FRMD6: variants seen among roughly 807,000 people sequenced by gnomAD.
FRMD6 encodes FERM domain-containing protein 6.
FRMD6 carries 37 observed loss-of-function variants against 73.2 expected under a neutral mutation model. The ratio of observed to expected loss-of-function variants is 0.51; its 90% confidence interval spans 0.39 to 0.66. The LOEUF (loss-of-function observed/expected upper bound fraction) is 0.66, where lower values mean the gene tolerates loss of function less well. Among genes scored for constraint, FRMD6 ranks in the 30% least tolerant of loss-of-function variants. The pLI, the probability that FRMD6 is intolerant of heterozygous loss-of-function variation, is 0.00. For missense variants in FRMD6, 714 were observed against 780.5 expected (o/e 0.91, Z 1.02); for synonymous variants, 273 against 282.2 (o/e 0.97, Z 0.33).
chr14:51,642,502 C>G (rs978400142), intron 2 of FRMD6, among the ~76,000 whole-genome samples: 1 of 152,184 alleles, frequency 6.6e-6, no homozygotes, highest in Non-Finnish European at 1.5e-5. Flanking sequence ...CGCCATTGCC[C>G]TCCATCCTGG....
chr14:51,490,824 C>A (rs1882961418), intron 1 of FRMD6, among the ~76,000 whole-genome samples: 1 of 152,224 alleles, frequency 6.6e-6, no homozygotes, highest in Admixed American at 6.5e-5. Flanking sequence ...GGGAATGACA[C>A]CCTGTTGAAA....
chr14:51,640,583 A>C (rs1891766462), intron 2 of FRMD6, among the ~76,000 whole-genome samples: 1 of 152,188 alleles, frequency 6.6e-6, no homozygotes, highest in African/African-American at 2.4e-5. Flanking sequence ...CCCGTTTACA[A>C]CTATTCTTCT....
intron 1 of FRMD6, 58 bp downstream of exon 1, chr14:51,652,054 G>C (rs909775695): frequency 1.3e-5 from 2 of 152,226 alleles, no homozygotes; most frequent in Admixed American, 6.5e-5. Flanking sequence ...CTCAGCCGCC[G>C]CGCCCCGGAC....
At chr14:51,628,690 G>A (rs1891208364) in intron 2 of FRMD6, among the ~76,000 whole-genome samples, 1 of 149,810 alleles carries the variant, frequency 6.7e-6, no homozygotes, top group Non-Finnish European at 1.5e-5. Flanking sequence ...GCATGCCCAT[G>A]CTCGGGTGGC....
intron 1 of FRMD6, among the ~76,000 whole-genome samples, chr14:51,660,592 A>G (rs1893145399): frequency 6.9e-6 from 1 of 144,018 alleles, no homozygotes. Context: ...GGTCTGAGAG[A>G]TGTCAGTGAA....
the FRMD6 span, among the ~76,000 whole-genome samples, chr14:51,430,930 A>G: frequency 1.3e-5 from 2 of 152,216 alleles, no homozygotes; most frequent in Non-Finnish European, 2.9e-5. Flanking sequence ...AGACAGAAGA[A>G]CTGAAAGGGA....
Position 51,721,985 on chromosome 14 carries a change from A to G in FRMD6, c.1397A>G (p.Glu466Gly). 1 of 1,613,950 alleles carries G rather than the reference A, an allele frequency of 6.2e-7. No individual in the cohort carries two copies. ...EMLVDDPRDL[E>G]QMNEESLEVS... The stretch of plus-strand genomic sequence containing the variant: ...TTGGTTGATGACCCCCGGGATCTGG[A>G]GCAGATGAATGAAGAGTCTCTGGAA... Residue 466 changes from glutamate to glycine, a missense_variant, in exon 12 of 14, where the codon GAG becomes GGG. Physicochemically the swap from Glu to Gly is moderately conservative, Grantham distance 98 (BLOSUM62 -2). Transcript: ENST00000344768.
intron 1 of FRMD6, among the ~76,000 whole-genome samples, chr14:51,667,075 A>AG (rs1175205911): frequency 1.3e-5 from 2 of 152,128 alleles, no homozygotes; most frequent in Non-Finnish European, 2.9e-5. Context: ...TCAAGGCTGC[A>AG]GTGAGCTGTG....
At chr14:51,606,720 A>T (rs576025048) in intron 2 of FRMD6, among the ~76,000 whole-genome samples, 288 of 152,294 alleles carry the variant, frequency 1.9e-3, no homozygotes, top group African/African-American at 6.6e-3. Flanking sequence ...GAATTGGCTC[A>T]TGCAAATGGA....
chr14:51,507,236 C>A (rs1884022221), intron 1 of FRMD6, among the ~76,000 whole-genome samples: 1 of 152,128 alleles, frequency 6.6e-6, no homozygotes, highest in Admixed American at 6.5e-5. Context: ...ATAGCAGCTG[C>A]AGGGCATCCT....
the FRMD6 span, among the ~76,000 whole-genome samples, chr14:51,459,935 C>G: frequency 5.5e-5 from 6 of 109,672 alleles, no homozygotes; most frequent in East Asian, 1.7e-3. Context: ...ATCTTTTGGC[C>G]TTCCTGATAC....
At chr14:51,667,686 GT>G (rs1262281536) in intron 1 of FRMD6, among the ~76,000 whole-genome samples, 1 of 152,028 alleles carries the variant, frequency 6.6e-6, no homozygotes, top group Non-Finnish European at 1.5e-5. Flanking sequence ...ATGTTTAAGG[GT>G]TTTACTTCAA....
chr14:51,637,851 T>G (rs1467522), intron 2 of FRMD6: 106,341 of 152,050 alleles, frequency 0.7, 37,652 homozygotes, highest in Non-Finnish European at 0.76. Flanking sequence ...CTAAATCAGT[T>G]TTTTCAAGTC....
At chr14:51,533,271 C>T (rs879530875) in intron 1 of FRMD6, among the ~76,000 whole-genome samples, 1 of 152,170 alleles carries the variant, frequency 6.6e-6, no homozygotes, top group Non-Finnish European at 1.5e-5. Context: ...TGGTAGGGAA[C>T]TGCTCTGCTA....
intron 1 of FRMD6, among the ~76,000 whole-genome samples, chr14:51,536,085 T>G (rs1404875996): frequency 8.3e-6 from 1 of 121,102 alleles, no homozygotes; most frequent in Non-Finnish European, 1.7e-5. Context: ...ATTTTATATA[T>G]ATATATATAT....
chr14:51,506,401 G>A (rs545643139), intron 1 of FRMD6, among the ~76,000 whole-genome samples: 56 of 152,204 alleles, frequency 3.7e-4, no homozygotes, highest in Non-Finnish European at 6.9e-4. Flanking sequence ...AAATGAAGAG[G>A]ATACTGGCGA....
chr14:51,496,581 C>A (rs1422038456), intron 1 of FRMD6, among the ~76,000 whole-genome samples: 1 of 152,184 alleles, frequency 6.6e-6, no homozygotes, highest in African/African-American at 2.4e-5. Context: ...AGCTGCGAAG[C>A]CTCTTCAGAT....
intron 2 of FRMD6, among the ~76,000 whole-genome samples, chr14:51,696,598 C>G (rs1566573490): frequency 1.3e-5 from 2 of 151,722 alleles, no homozygotes; most frequent in Non-Finnish European, 2.9e-5. Context: ...ATATATTAGA[C>G]AAAATAACAG....
the FRMD6 span, among the ~76,000 whole-genome samples, chr14:51,463,436 T>C: frequency 4.0e-4 from 61 of 152,320 alleles, no homozygotes; most frequent in Non-Finnish European, 7.5e-4. Flanking sequence ...AAGTTTTGCT[T>C]TTTGGAACTT....
Sources: allele counts gnomAD v4.1 joint callset (sites outside exome capture counted in the v4.1 genomes callset), GRCh38; gene constraint gnomAD v4.1.1; transcripts MANE v1.5; gene names NCBI Gene and HGNC (gene_info 2026-07-23, HGNC 2026-07-21).